The following USP6NL variants were observed in gnomAD, a reference collection of about 807,000 sequenced individuals.
USP6NL encodes USP6 N-terminal like.
Under a neutral mutation model 61.9 loss-of-function variants are expected in USP6NL, and 26 were observed. The observed-to-expected ratio is 0.42, with a 90% CI of 0.31 to 0.58. The LOEUF is 0.58. Ranked by LOEUF, USP6NL falls within the 20% of genes least tolerant of loss-of-function variation. The pLI is 0.16. For synonymous variants in USP6NL, 432 were observed against 390.1 expected, an observed-to-expected ratio of 1.11 and a Z score of -1.27; for missense variants, 1,114 against 1,034.3, an observed-to-expected ratio of 1.08 and a Z score of -1.06.
intron 6 of USP6NL, among the ~76,000 whole-genome samples, chr10:11,506,839 C>A (rs1039159579): frequency 6.6e-6 from 1 of 151,152 alleles, no homozygotes. Context: ...TGTATTACTA[C>A]TATATAAGTA....
Position 11,597,898 on chromosome 10 carries a change from G to A in USP6NL, c.-83-181C>T, listed in dbSNP as rs1042557552. Among the ~76,000 whole-genome samples the A allele has an allele frequency of 2.0e-5, 3 of 152,012 alleles. No homozygotes were observed. Among genetic ancestry groups the A allele is most frequent in the South Asian group, 2.1e-4 (1 of 4,826 alleles). On this transcript the variant is annotated intron_variant, in intron 1 of 14. Transcript: ENST00000609104. This position sits in a 1 kb window ranked among gnomAD's most constrained non-coding sequence, Gnocchi z 4.6. ...ACTTTTAGAATATCCTGTTGAATTC[G>A]TGTTTTCCTCTTTTGGAATAAGTTA... is the stretch of plus-strand genomic sequence containing the variant.
intron 5 of USP6NL, among the ~76,000 whole-genome samples, chr10:11,516,234 A>G (rs1218971107): frequency 1.3e-5 from 2 of 152,190 alleles, no homozygotes; most frequent in African/African-American, 4.8e-5. Context: ...TGCCTTATGT[A>G]AAATAATACA....
Position 11,489,321 on chromosome 10 carries a change from C to G in USP6NL, c.544-99G>C. Reference sequence around the variant, plus strand: ...CTCTATAAAAACCAGAAAATGCCTACACACATCATTTAATGGTCCATTCTA... The same window carrying G: ...CTCTATAAAAACCAGAAAATGCCTAGACACATCATTTAATGGTCCATTCTA... On this transcript the variant is annotated intron_variant, in intron 9 of 14. Transcript: ENST00000609104. The surrounding 1 kb of genome is among the most constrained non-coding windows in gnomAD (Gnocchi z 5.7). 13 of 1,466,894 alleles carry G rather than the reference C, an allele frequency of 8.9e-6. No individual in the cohort carries two copies. The South Asian group carries it at 1.7e-4, about 19-fold the overall frequency. 90.9% of individuals were successfully genotyped at this position (1,466,894 alleles called of 1,614,324 possible).
chr10:11,564,788 ACT>A (rs1261462589), intron 2 of USP6NL: 1 of 152,216 alleles, frequency 6.6e-6, no homozygotes. Flanking sequence ...GTCTGAGAAC[ACT>A]GAGTACCTTC....
At chr10:11,497,650 A>C (rs1184182466) in intron 7 of USP6NL, among the ~76,000 whole-genome samples, 1 of 152,176 alleles carries the variant, frequency 6.6e-6, no homozygotes, top group Non-Finnish European at 1.5e-5. Context: ...ATCATAAAAA[A>C]GGCCTCATGG....
chr10:11,524,483 T>G (rs1485798364), intron 4 of USP6NL, among the ~76,000 whole-genome samples: 1 of 152,192 alleles, frequency 6.6e-6, no homozygotes, highest in African/African-American at 2.4e-5. Context: ...CTCTGGGAAC[T>G]GTTTCTGTCT....
intron 10 of USP6NL, 138 bp downstream of exon 10, chr10:11,488,964 G>A: frequency 8.9e-7 from 1 of 1,124,272 alleles, no homozygotes; most frequent in Non-Finnish European, 1.2e-6. Context: ...GAAGAAACTA[G>A]TAACAAATAC....
At position 11,595,259 on chromosome 10, in the gene USP6NL, G is replaced by T. The variant is rs1439332882; in HGVS notation, c.4+2372C>A. ...AGGAACATAAAGGGTGAGGCACACT[G>T]AAGGCACAAGGTCAGCTGGACTCTG... On this transcript the variant is annotated intron_variant, in intron 2 of 14. Coordinates refer to ENST00000609104, the MANE Select transcript of USP6NL (RefSeq NM_014688.5). The surrounding 1 kb of genome is among the most constrained non-coding windows in gnomAD (Gnocchi z 5.3). 6.6e-6 allele frequency among the ~76,000 whole-genome samples: 1 copy of T among 152,178 alleles called. No individual in the cohort carries two copies. The highest frequency in any genetic ancestry group is 1.5e-5 in the Non-Finnish European group (1 of 68,038).
At chr10:11,580,217 T>C (rs1837705846) in intron 2 of USP6NL, among the ~76,000 whole-genome samples, 1 of 152,146 alleles carries the variant, frequency 6.6e-6, no homozygotes, top group South Asian at 2.1e-4. Flanking sequence ...TTTAGACTCA[T>C]TAGTTGTTAT....
rs77766117 is a variant in USP6NL, at chr10:11,486,728, T to G, written c.665-817A>C. Among the ~76,000 whole-genome samples the G allele has an allele frequency of 9.2e-5, 14 of 152,308 alleles. No homozygotes were observed. The East Asian group carries it at 2.5e-3, about 27-fold the overall frequency. On this transcript the variant is annotated intron_variant, in intron 10 of 14. Transcript: ENST00000609104. ...GAAACCAGAGGACACATTTACATCC[T>G]TCTTAGATATTCATGAGGCATTTTA...
In USP6NL at chr10:11,579,960, T is replaced by TGGGGGGG. The variant is rs78353052; in HGVS notation, c.4+17670_4+17671insCCCCCCC. ...CAGATTACAAACCACCAGTGGAGAG[T>TGGGGGGG]GGCGGGGGGGGGGCAGCAACGTCTA... On this transcript the variant is annotated intron_variant, in intron 2 of 14. Coordinates refer to ENST00000609104, the MANE Select transcript of USP6NL (RefSeq NM_014688.5). 3.1e-5 allele frequency among the ~76,000 whole-genome samples: 3 copies of TGGGGGGG among 98,076 alleles called. No homozygotes were observed. The Admixed American group carries it at 3.4e-4, about 11-fold the overall frequency. 64.3% of individuals were successfully genotyped at this position (98,076 alleles called of 152,430 possible).
intron 2 of USP6NL, among the ~76,000 whole-genome samples, chr10:11,554,144 G>A (rs988205431): frequency 6.6e-6 from 1 of 152,156 alleles, no homozygotes; most frequent in Non-Finnish European, 1.5e-5. Flanking sequence ...GAAGGAAGGT[G>A]GGTGCAAGAG....
At chr10:11,488,926 T>C (rs1833592739) in intron 10 of USP6NL, among the ~76,000 whole-genome samples, 176 bp downstream of exon 10, 1 of 152,256 alleles carries the variant, frequency 6.6e-6, no homozygotes. Context: ...GTAAATGTTT[T>C]AGAAAAGTTC....
chr10:11,514,494 C>G (rs1268730529), intron 5 of USP6NL, among the ~76,000 whole-genome samples: 3 of 152,126 alleles, frequency 2.0e-5, no homozygotes, highest in Admixed American at 6.6e-5. Flanking sequence ...CCATTATCAT[C>G]ATTATTCTTT....
In USP6NL at chr10:11,595,371, G is replaced by A. The variant is rs1457724774; in HGVS notation, c.4+2260C>T. On this transcript the variant is annotated intron_variant, in intron 2 of 14. Coordinates refer to ENST00000609104, the MANE Select transcript of USP6NL (RefSeq NM_014688.5). The surrounding 1 kb of genome is among the most constrained non-coding windows in gnomAD (Gnocchi z 5.3). ...TTTTCCCTAGGAATCAGGGTCAAGA[G>A]CCAGGCTCTGTGCCTAAAGCCAGAG... Among the ~76,000 whole-genome samples, 5 of 152,336 alleles carry A rather than the reference G, an allele frequency of 3.3e-5. No individual in the cohort carries two copies. In the East Asian group the frequency reaches 7.7e-4, roughly 23 times the overall value.
At chr10:11,472,944 A>C (rs1305874792) in intron 14 of USP6NL, among the ~76,000 whole-genome samples, 3 of 152,212 alleles carry the variant, frequency 2.0e-5, no homozygotes, top group Non-Finnish European at 4.4e-5. Context: ...GTAACTTTAA[A>C]AACCTACACT....
chr10:11,610,082 A>G (rs1008205273), intron 1 of USP6NL, among the ~76,000 whole-genome samples: 1 of 152,184 alleles, frequency 6.6e-6, no homozygotes, highest in Non-Finnish European at 1.5e-5. Flanking sequence ...CTATATATAT[A>G]TAATCAGCAA....
intron 2 of USP6NL, among the ~76,000 whole-genome samples, chr10:11,544,714 C>G (rs1164669461): frequency 6.6e-6 from 1 of 152,144 alleles, no homozygotes; most frequent in East Asian, 1.9e-4. Flanking sequence ...GTCTCAAACT[C>G]CTTACCTCAC....
chr10:11,599,473 G>C (rs1169362891), intron 1 of USP6NL, among the ~76,000 whole-genome samples: 1 of 152,078 alleles, frequency 6.6e-6, no homozygotes, highest in African/African-American at 2.4e-5. Context: ...AAGACATCAA[G>C]AGTTTTCTCA....
Sources: gnomAD v4.1 joint callset for allele counts (sites outside exome capture counted in the v4.1 genomes callset) on GRCh38, gnomAD v4.1.1 for gene constraint, Gnocchi (gnomAD v3.1) non-coding constraint, MANE v1.5 for transcripts, NCBI Gene and HGNC (gene_info 2026-07-23, HGNC 2026-07-21) for gene names.